RHOU: variants seen among roughly 807,000 people sequenced by gnomAD.
The protein encoded by RHOU is rho-related GTP-binding protein RhoU.
A neutral mutation model predicts 12.6 loss-of-function variants in RHOU; 8 were observed. The ratio of observed to expected loss-of-function variants is 0.64; its 90% CI spans 0.37 to 1.15. RHOU has a LOEUF of 1.15. RHOU is among the 50% of genes most tolerant of loss of function. RHOU has a pLI of 0.01. For missense variants in RHOU, 258 were observed against 347.0 expected (o/e 0.74, Z 2.04); for synonymous variants, 161 against 147.4 (o/e 1.09, Z -0.67).
chr1:228,719,988 C>G, the RHOU span, among the ~76,000 whole-genome samples: 1 of 152,030 alleles, frequency 6.6e-6, no homozygotes, highest in Non-Finnish European at 1.5e-5. Flanking sequence ...GACATAAGCA[C>G]CCTTTTATGA....
chr1:228,690,075 C>CT, the RHOU span, among the ~76,000 whole-genome samples: 1 of 152,142 alleles, frequency 6.6e-6, no homozygotes, highest in Admixed American at 6.5e-5. Flanking sequence ...AAACAATACA[C>CT]TTAAGACATT....
rs1398247243 is a variant in RHOU at position 228,743,446 on chromosome 1, G to A, written c.483G>A (p.Thr161=). The change falls in exon 3 of 3, where the codon ACG becomes ACA. Residue 161 remains threonine, a synonymous_variant. Coordinates refer to ENST00000366691, the MANE Select transcript of RHOU (RefSeq NM_021205.6). The surrounding 1 kb of genome is among the most constrained non-coding windows in gnomAD (Gnocchi z 5.1). ...AAGCCCCCATCATCCTAGTTGGAAC[G>A]CAGTCGGATCTCAGAGAAGATGTCA... is the stretch of plus-strand genomic sequence containing the variant. ...CPKAPIILVG[T]QSDLREDVKV... is the part of the protein sequence containing the mutation. The A allele has an allele frequency of 1.2e-5, 20 of 1,614,046 alleles. No homozygotes were observed. Among genetic ancestry groups the A allele is most frequent in the South Asian group, 3.3e-5 (3 of 91,088 alleles).
At chr1:228,672,004 A>G in the RHOU span, among the ~76,000 whole-genome samples, 1 of 152,264 alleles carries the variant, frequency 6.6e-6, no homozygotes, top group South Asian at 2.1e-4. Context: ...AGCCATGTTT[A>G]TGTAAGTGTG....
the RHOU span, among the ~76,000 whole-genome samples, chr1:228,665,803 C>T: frequency 1.3e-5 from 2 of 152,174 alleles, no homozygotes; most frequent in Non-Finnish European, 2.9e-5. Flanking sequence ...ATCATTTTGA[C>T]TCAGTCTAGT....
At chr1:228,685,826 C>G in the RHOU span, among the ~76,000 whole-genome samples, 1 of 152,168 alleles carries the variant, frequency 6.6e-6, no homozygotes, top group Non-Finnish European at 1.5e-5. Flanking sequence ...ACACTCAGAA[C>G]TTTTTTGTCT....
At chr1:228,724,303 A>C in the RHOU span, among the ~76,000 whole-genome samples, 2,920 of 152,280 alleles carry the variant, frequency 0.019, 102 homozygotes, top group African/African-American at 0.067. Flanking sequence ...AGTGGCTTGA[A>C]AAATTTCTTG....
chr1:228,674,582 G>A, the RHOU span, among the ~76,000 whole-genome samples: 1 of 151,930 alleles, frequency 6.6e-6, no homozygotes, highest in African/African-American at 2.4e-5. Flanking sequence ...CTGACCTCCA[G>A]TGATCTGCTT....
At position 228,746,549 on chromosome 1, in the gene RHOU, C is replaced by A. The variant is rs1423060333; in HGVS notation, c.*2809C>A. 1 of 152,196 alleles carries A rather than the reference C, an allele frequency of 6.6e-6. No homozygotes were observed. The highest frequency in any genetic ancestry group is 1.5e-5 in the Non-Finnish European group (1 of 68,048). The allele number at this position is 152,196 out of a possible 1,614,324, so 9.4% of individuals were successfully genotyped here. A position where few individuals can be genotyped will look rare whatever the true frequency, so the allele number is the denominator to read the frequency against. On this transcript the variant is annotated 3_prime_UTR_variant, in exon 3 of 3. Transcript: ENST00000366691. ...AGGCCTTCTCTCCAGACTATCGTAA[C>A]CTGGTGCCTTACCAAGTTGTGCTTT...
the RHOU span, among the ~76,000 whole-genome samples, chr1:228,647,241 G>C: frequency 6.6e-6 from 1 of 152,188 alleles, no homozygotes; most frequent in Non-Finnish European, 1.5e-5. Flanking sequence ...TTTGGAGGTG[G>C]GTTTCGTAGG....
upstream of RHOU, among the ~76,000 whole-genome samples, chr1:228,734,711 C>CT (rs1662557199): frequency 6.6e-6 from 1 of 152,094 alleles, no homozygotes; most frequent in African/African-American, 2.4e-5. Context: ...AAGAGGCGTC[C>CT]TTTTTCTGAA....
At position 228,743,437 on chromosome 1, in the gene RHOU, A is replaced by G; in HGVS notation, c.474A>G (p.Leu158=). 6.2e-7 allele frequency: 1 copy of G among 1,614,134 alleles called. No individual in the cohort carries two copies. Among genetic ancestry groups the G allele is most frequent in the Non-Finnish European group, 8.5e-7 (1 of 1,180,028 alleles). ...ACTGTCCCAAAGCCCCCATCATCCT[A>G]GTTGGAACGCAGTCGGATCTCAGAG... is the stretch of plus-strand genomic sequence containing the variant. ...RCHCPKAPII[L]VGTQSDLRED... The change falls in exon 3 of 3, where the codon CTA becomes CTG. Residue 158 remains leucine, a synonymous_variant. Transcript: ENST00000366691. The surrounding 1 kb of genome is among the most constrained non-coding windows in gnomAD (Gnocchi z 5.1).
At chr1:228,687,136 A>T in the RHOU span, among the ~76,000 whole-genome samples, 1 of 152,138 alleles carries the variant, frequency 6.6e-6, no homozygotes, top group African/African-American at 2.4e-5. Flanking sequence ...TGAGTGAACA[A>T]TTGTTTACTC....
the RHOU span, among the ~76,000 whole-genome samples, chr1:228,676,216 T>G: frequency 6.6e-6 from 1 of 151,878 alleles, no homozygotes; most frequent in Admixed American, 6.6e-5. Flanking sequence ...AGCAATCCTT[T>G]CACCTTGACC....
the RHOU span, among the ~76,000 whole-genome samples, chr1:228,695,221 C>G: frequency 6.6e-6 from 1 of 152,310 alleles, no homozygotes; most frequent in South Asian, 2.1e-4. Flanking sequence ...CCACCCACCT[C>G]AGCTTCTCAA....
rs1213148844 is a variant in RHOU at position 228,735,985 on chromosome 1, T to C, written c.243T>C (p.Thr81=). The C allele has an allele frequency of 6.3e-7, 1 of 1,579,352 alleles. No individual in the cohort carries two copies. The highest frequency in any genetic ancestry group is 8.6e-7 in the Non-Finnish European group (1 of 1,169,068). The change falls in exon 1 of 3, where the codon ACT becomes ACC. Residue 81 remains threonine, a synonymous_variant. Transcript: ENST00000366691. This position sits in a 1 kb window ranked among gnomAD's most constrained non-coding sequence, Gnocchi z 8.1. ...TNGYPTEYIP[T]AFDNFSAVVS... is the part of the protein sequence containing the mutation. ...GCTACCCCACCGAGTACATCCCTAC[T>C]GCCTTCGACAACTTCTCCGGTGAGC...
Position 228,735,531 on chromosome 1 carries a change from C to T in RHOU, c.-212C>T. On this transcript the variant is annotated 5_prime_UTR_variant, in exon 1 of 3. Transcript: ENST00000366691. This position sits in a 1 kb window ranked among gnomAD's most constrained non-coding sequence, Gnocchi z 8.1. ...ACCGCTGTCCTCCAACAGCGCAGGG[C>T]AGAGCGGCTGGCGCCGCCGGAGCGC... 1 of 303,422 alleles carries T rather than the reference C, an allele frequency of 3.3e-6. No individual in the cohort carries two copies. Among genetic ancestry groups the T allele is most frequent in the Non-Finnish European group, 6.0e-6 (1 of 167,566 alleles). The allele number at this position is 303,422 out of a possible 1,614,324, so 18.8% of individuals were successfully genotyped here. A position where few individuals can be genotyped will look rare whatever the true frequency, so the allele number is the denominator to read the frequency against.
the RHOU span, among the ~76,000 whole-genome samples, chr1:228,707,121 T>TAC: frequency 9.3e-5 from 8 of 85,898 alleles, no homozygotes; most frequent in Admixed American, 1.2e-4. Flanking sequence ...TATATATATA[T>TAC]ATATACATAT....
At chr1:228,726,184 C>T in the RHOU span, among the ~76,000 whole-genome samples, 2,981 of 152,142 alleles carry the variant, frequency 0.02, 106 homozygotes, top group African/African-American at 0.068. Flanking sequence ...CTTTCACTGC[C>T]GGTCCGTACG....
the RHOU span, among the ~76,000 whole-genome samples, chr1:228,647,271 C>T: frequency 6.6e-6 from 1 of 152,266 alleles, no homozygotes; most frequent in East Asian, 1.9e-4. Flanking sequence ...TTCTTGGCAC[C>T]TCACTGTGCT....
Sources: allele counts gnomAD v4.1 joint callset (sites outside exome capture counted in the v4.1 genomes callset), GRCh38; gene constraint gnomAD v4.1.1; non-coding constraint Gnocchi (gnomAD v3.1); transcripts MANE v1.5; gene names NCBI Gene and HGNC (gene_info 2026-07-23, HGNC 2026-07-21).